AR: variants seen among roughly 807,000 people sequenced by gnomAD.
AR encodes the protein androgen receptor.
Under a neutral mutation model 53.9 loss-of-function variants are expected in AR, and 8 were observed. That is an observed-to-expected ratio of 0.15 (90% CI 0.09 to 0.27). The LOEUF is 0.27. AR is among the 10% of genes least tolerant of loss of function. The pLI is 1.00. For synonymous variants in AR, 359 were observed against 316.4 expected (o/e 1.13, Z -1.43); for missense variants, 639 against 742.5 (o/e 0.86, Z 1.62).
intron 1 of AR, among the ~76,000 whole-genome samples, chrX:67,552,321 A>G (rs928750588): frequency 1.8e-5 from 2 of 112,312 alleles, no homozygotes; most frequent in African/African-American, 6.5e-5. Flanking sequence ...TATGTTTTCA[A>G]GGTCATCCAT....
intron 1 of AR, among the ~76,000 whole-genome samples, chrX:67,555,574 G>A (rs930719683): frequency 8.9e-6 from 1 of 112,188 alleles, no homozygotes; most frequent in Non-Finnish European, 1.9e-5. Flanking sequence ...CATAAGAGTT[G>A]TTTTCCTGCC....
At position 67,721,905 on chromosome X, in the gene AR, G is replaced by C. The variant is rs137852565; in HGVS notation, c.2391G>C (p.Trp797Cys). 8.3e-7 allele frequency: 1 copy of C among 1,211,020 alleles called. No individual in the cohort carries two copies. Among genetic ancestry groups the C allele is most frequent in the Non-Finnish European group, 1.1e-6 (1 of 895,188 alleles). Reference sequence around the variant, plus strand: ...GGCACCTCTCTCAAGAGTTTGGATGGCTCCAAATCACCCCCCAGGAATTCC... The same window carrying C: ...GGCACCTCTCTCAAGAGTTTGGATGCCTCCAAATCACCCCCCAGGAATTCC... ...RMRHLSQEFG[W>C]LQITPQEFLC... The change falls in exon 6 of 8, where the codon TGG becomes TGC. Residue 797 changes from tryptophan to cysteine, a missense_variant. Around this residue, in one of 5 missense-constraint regions of AR, gnomAD observed 95 missense variants for 196.4 expected, o/e 0.48. Coordinates refer to ENST00000374690, the MANE Select transcript of AR (RefSeq NM_000044.6).
At chrX:67,603,162 G>A (rs142615083) in intron 1 of AR, among the ~76,000 whole-genome samples, 4 of 111,800 alleles carry the variant, frequency 3.6e-5, no homozygotes, top group African/African-American at 1.3e-4. Context: ...GGATACAGAG[G>A]TCATATGCCT....
In AR at chrX:67,729,343, G is replaced by A. The variant is rs1025410038; in HGVS notation, c.*5502G>A. Reference sequence around the variant, plus strand: ...GGACCTCCCAACTCAACCATTTCTAGGTGAAGGCAGAAAAATCCACATTAG... The same window carrying A: ...GGACCTCCCAACTCAACCATTTCTAAGTGAAGGCAGAAAAATCCACATTAG... On this transcript the variant is annotated 3_prime_UTR_variant, in exon 8 of 8. Coordinates refer to ENST00000374690, the MANE Select transcript of AR (RefSeq NM_000044.6). 6.9e-5 allele frequency: 12 copies of A among 173,387 alleles called. No individual in the cohort carries two copies. The highest frequency in any genetic ancestry group is 1.1e-4 in the Non-Finnish European group (10 of 91,064). 14.3% of individuals were successfully genotyped at this position (173,387 alleles called of 1,213,427 possible).
chrX:67,666,834 ATC>A (rs1927288874), intron 2 of AR, among the ~76,000 whole-genome samples: 1 of 111,472 alleles, frequency 9.0e-6, no homozygotes, highest in Admixed American at 9.5e-5. Context: ...CTTGTCATAT[ATC>A]TGTTTGTCAT....
At chrX:67,703,672 T>A (rs2076052358) in intron 3 of AR, among the ~76,000 whole-genome samples, 1 of 112,142 alleles carries the variant, frequency 8.9e-6, no homozygotes, top group African/African-American at 3.2e-5. Flanking sequence ...ATACTTTAAG[T>A]TCTAGGGTAC....
At chrX:67,548,662 G>A (rs1055584000) in intron 1 of AR, among the ~76,000 whole-genome samples, 6 of 111,423 alleles carry the variant, frequency 5.4e-5, no homozygotes, top group Non-Finnish European at 1.1e-4. Context: ...GCTAAAAAAT[G>A]TGTGCCTTCA....
intron 2 of AR, among the ~76,000 whole-genome samples, chrX:67,665,038 G>T (rs753904211): frequency 2.7e-5 from 3 of 112,830 alleles, no homozygotes; most frequent in African/African-American, 9.7e-5. Context: ...ACTAGGAAAG[G>T]GAATTCTCTG....
chrX:67,681,090 A>G lies in AR; in HGVS notation c.1769-4920A>G, dbSNP rs774827711. 5 of 135,237 alleles carry G rather than the reference A, an allele frequency of 3.7e-5. No individual in the cohort carries two copies. In the South Asian group the frequency reaches 9.4e-4, roughly 25 times the overall value. 11.1% of individuals were successfully genotyped at this position (135,237 alleles called of 1,213,427 possible). A position where few individuals can be genotyped will look rare whatever the true frequency, so the allele number is the denominator to read the frequency against. On this transcript the variant is annotated intron_variant, in intron 2 of 7. Coordinates refer to ENST00000374690, the MANE Select transcript of AR (RefSeq NM_000044.6). ...CTTTGCAGCTCTAGAGTGTGGCCTTACCTACTTCAACATGAGAAGATTTTT... is the reference window on the plus strand; with the variant it reads ...CTTTGCAGCTCTAGAGTGTGGCCTTGCCTACTTCAACATGAGAAGATTTTT...
chrX:67,618,812 A>G (rs942541453), intron 1 of AR, among the ~76,000 whole-genome samples: 1 of 111,069 alleles, frequency 9.0e-6, no homozygotes, highest in Non-Finnish European at 1.9e-5. Flanking sequence ...AATTGGAGGC[A>G]GTAGCAATAT....
intron 2 of AR, among the ~76,000 whole-genome samples, chrX:67,660,994 C>T (rs1007276281): frequency 9.0e-6 from 1 of 111,594 alleles, no homozygotes; most frequent in African/African-American, 3.3e-5. Flanking sequence ...TGGGAGTTCA[C>T]TCATGATTTG....
At chrX:67,571,631 A>G (rs760590961) in intron 1 of AR, among the ~76,000 whole-genome samples, 5 of 111,773 alleles carry the variant, frequency 4.5e-5, no homozygotes, top group Non-Finnish European at 9.4e-5. Context: ...CAAATGTTTC[A>G]TAAATATTTT....
intron 1 of AR, among the ~76,000 whole-genome samples, chrX:67,601,657 T>G (rs777746533): frequency 8.9e-6 from 1 of 112,458 alleles, no homozygotes; most frequent in African/African-American, 3.2e-5. Context: ...AAGAAAAAAG[T>G]TTATTTCAGA....
rs369731870 is a variant in AR, at chrX:67,600,520, T to C, written c.1617-42736T>C. 8.3e-4 allele frequency among the ~76,000 whole-genome samples: 91 copies of C among 110,258 alleles called. 1 individual carries two copies. In the East Asian group the frequency reaches 0.017, roughly 21 times the overall value. On this transcript the variant is annotated intron_variant, in intron 1 of 7. Transcript: ENST00000374690. ...CAATTGAACTAATGGATATAGAAAG[T>C]AGAAGGATGGTAACCAAAGGCTAGA...
intron 2 of AR, among the ~76,000 whole-genome samples, chrX:67,650,480 C>T (rs954037894): frequency 8.0e-5 from 9 of 112,144 alleles, no homozygotes; most frequent in Non-Finnish European, 9.4e-5. Flanking sequence ...ACTTTCTCTT[C>T]AGAGATAGAA....
chrX:67,583,717 A>G (rs1474661834), intron 1 of AR, among the ~76,000 whole-genome samples: 1 of 112,114 alleles, frequency 8.9e-6, no homozygotes, highest in African/African-American at 3.2e-5. Context: ...AAAAAAAACA[A>G]TTAGGACTCA....
intron 1 of AR, among the ~76,000 whole-genome samples, chrX:67,629,894 T>A (rs1315109355): frequency 9.0e-6 from 1 of 111,509 alleles, no homozygotes; most frequent in Non-Finnish European, 1.9e-5. Flanking sequence ...TTTCGTTATG[T>A]ACCCAGTAGT....
At chrX:67,715,236 A>T (rs1209023017) in intron 4 of AR, among the ~76,000 whole-genome samples, 1 of 110,818 alleles carries the variant, frequency 9.0e-6, no homozygotes, top group East Asian at 2.9e-4. Flanking sequence ...TGGTTGCTAC[A>T]TGCTTAGACC....
Position 67,686,935 on chromosome X carries a change from C to T in AR, c.1885+809C>T, listed in dbSNP as rs759966782. ...CCCTCTCCAAACTCCCCCATCTCTT[C>T]ATGTTTACATCTGCCCAATGCCAGG... On this transcript the variant is annotated intron_variant, in intron 3 of 7. Transcript: ENST00000374690. 3.6e-5 allele frequency among the ~76,000 whole-genome samples: 4 copies of T among 111,230 alleles called. No homozygotes were observed. In the South Asian group the frequency reaches 1.6e-3, roughly 43 times the overall value.
Sources: allele counts gnomAD v4.1 joint callset (sites outside exome capture counted in the v4.1 genomes callset), GRCh38; gene constraint gnomAD v4.1.1; regional missense constraint gnomAD v4.1.1; transcripts MANE v1.5; gene names NCBI Gene and HGNC (gene_info 2026-07-23, HGNC 2026-07-21).